Variants in MAPK8IP3 observed in about 807,000 individuals in gnomAD.
MAPK8IP3 encodes C-Jun-amino-terminal kinase-interacting protein 3.
Under a neutral mutation model 157.8 loss-of-function variants are expected in MAPK8IP3, and 49 were observed. The ratio of observed to expected loss-of-function variants is 0.31; its 90% CI spans 0.25 to 0.39. The LOEUF (loss-of-function observed/expected upper bound fraction) is 0.39, where lower values mean the gene tolerates loss of function less well. Ranked by LOEUF, MAPK8IP3 falls within the 10% of genes least tolerant of loss-of-function variation. The pLI is 1.00. For missense variants in MAPK8IP3, 1,478 were observed against 1,889.4 expected, an observed-to-expected ratio of 0.78 and a Z score of 4.04; for synonymous variants, 897 against 777.7, an observed-to-expected ratio of 1.15 and a Z score of -2.55.
chr16:1,763,500 G>C (rs894000264), intron 16 of MAPK8IP3, among the ~76,000 whole-genome samples, 157 bp from the exon 17 acceptor site: 4 of 152,178 alleles, frequency 2.6e-5, no homozygotes, highest in Admixed American at 2.0e-4. Context: ...CCAGTGCCGG[G>C]AAAGCCACCC....
At position 1,729,188 on chromosome 16, in the gene MAPK8IP3, C is replaced by CT; in HGVS notation, c.491dup (p.His165AlafsTer16). 6.2e-7 allele frequency: 1 copy of CT among 1,614,018 alleles called. No individual in the cohort carries two copies. Among genetic ancestry groups the CT allele is most frequent in the Non-Finnish European group, 8.5e-7 (1 of 1,180,028 alleles). ...GGAGATGAAGAAGGAGTACAATGCC[C>CT]TGCACCAGCGGCACACAGAGGTGGG... On this transcript the variant is annotated frameshift_variant, in exon 3 of 32. Coordinates refer to ENST00000610761, the MANE Select transcript of MAPK8IP3 (RefSeq NM_001318852.2). LOFTEE classifies it high-confidence loss of function.
At position 1,745,177 on chromosome 16, in the gene MAPK8IP3, G is replaced by A. The variant is rs140930732; in HGVS notation, c.747+1701G>A. Reference sequence around the variant, plus strand: ...AGGGTGACGGAGAGCTAGGGGAGGCGCAATCAGACTGCAGAATTCCCCGCA... The same window carrying A: ...AGGGTGACGGAGAGCTAGGGGAGGCACAATCAGACTGCAGAATTCCCCGCA... On this transcript the variant is annotated intron_variant, in intron 5 of 31. Coordinates refer to ENST00000610761, the MANE Select transcript of MAPK8IP3 (RefSeq NM_001318852.2). The A allele has an allele frequency of 1.1e-4, 111 of 985,396 alleles. 1 individual carries two copies. In the East Asian group the frequency reaches 0.012, roughly 103 times the overall value. The allele number at this position is 985,396 out of a possible 1,614,324, so 61.0% of individuals were successfully genotyped here.
At chr16:1,729,641 CG>C in intron 4 of MAPK8IP3, 63 bp downstream of exon 4, 1 of 1,442,208 alleles carries the variant, frequency 6.9e-7, no homozygotes, top group Non-Finnish European at 9.5e-7. Flanking sequence ...ACGCAGGACG[CG>C]GCACATGCCA....
chr16:1,767,762 T>TG (rs764643346), intron 27 of MAPK8IP3, 27 bp downstream of exon 27: 18 of 1,611,736 alleles, frequency 1.1e-5, no homozygotes, highest in East Asian at 2.2e-5. Context: ...GATGGGGTGG[T>TG]GGGGTGCTCA....
In MAPK8IP3 at chr16:1,764,389, A is replaced by G. The variant is rs2042134797; in HGVS notation, c.2210A>G (p.Asp737Gly). Residue 737 changes from aspartate to glycine, a missense_variant, in exon 19 of 32, where the codon GAT becomes GGT. Transcript: ENST00000610761. The stretch of plus-strand genomic sequence containing the variant: ...GGAGTCAAGCCAGCGCCAGGCCGCG[A>G]TCCCCTGACCTGCGACCGCGAAGGA... ...GNGVKPAPGR[D>G]PLTCDREGDG... is the part of the protein sequence containing the mutation. The G allele has an allele frequency of 6.3e-7, 1 of 1,598,256 alleles. No homozygotes were observed. Among genetic ancestry groups the G allele is most frequent in the Admixed American group, 1.7e-5 (1 of 57,756 alleles).
intron 8 of MAPK8IP3, chr16:1,752,336 T>C: frequency 4.5e-6 from 1 of 223,298 alleles, no homozygotes; most frequent in South Asian, 4.0e-5. Flanking sequence ...CACCCTACTC[T>C]GCAGGGTGCT....
intron 17 of MAPK8IP3, 95 bp from the exon 18 acceptor site, chr16:1,764,020 G>T: frequency 7.8e-7 from 1 of 1,288,176 alleles, no homozygotes; most frequent in South Asian, 1.4e-5. Context: ...AAGTGGCTGT[G>T]CCGCCAGAAG....
rs191423315 is a variant in MAPK8IP3 at position 1,768,028 on chromosome 16, G to A, written c.3524-41G>A. ...GAGGGTGCCTTGCTGCCCCTACGCTGACCGCTCTCCTCTTCTCCCATGCTC... is the reference window on the plus strand; with the variant it reads ...GAGGGTGCCTTGCTGCCCCTACGCTAACCGCTCTCCTCTTCTCCCATGCTC... On this transcript the variant is annotated intron_variant, in intron 28 of 31. Coordinates refer to ENST00000610761, the MANE Select transcript of MAPK8IP3 (RefSeq NM_001318852.2). The A allele has an allele frequency of 1.7e-4, 273 of 1,611,970 alleles. No homozygotes were observed. The African/African-American group carries it at 3.2e-3, about 19-fold the overall frequency.
At chr16:1,757,307 C>T (rs1283952517) in intron 8 of MAPK8IP3, among the ~76,000 whole-genome samples, 1 of 152,082 alleles carries the variant, frequency 6.6e-6, no homozygotes, top group South Asian at 2.1e-4. Flanking sequence ...GGTTTCACCG[C>T]ATTAGCCAGG....
At position 1,764,096 on chromosome 16, in the gene MAPK8IP3, GC is replaced by G; in HGVS notation, c.2026-17del. 6.3e-7 allele frequency: 1 copy of G among 1,582,388 alleles called. No homozygotes were observed. Among genetic ancestry groups the G allele is most frequent in the African/African-American group, 1.3e-5 (1 of 74,296 alleles). On this transcript the variant is annotated intron_variant, in intron 17 of 31. Coordinates refer to ENST00000610761, the MANE Select transcript of MAPK8IP3 (RefSeq NM_001318852.2). The stretch of plus-strand genomic sequence containing the variant: ...AGGAGCCAGGGTTCGTGCCCACGGC[GC>G]CTCCCTGCTCCCTGCAGCTGAGTCC...
At chr16:1,736,516 G>A (rs547332226) in intron 4 of MAPK8IP3, among the ~76,000 whole-genome samples, 1 of 57,704 alleles carries the variant, frequency 1.7e-5, no homozygotes, top group Non-Finnish European at 3.1e-5. Flanking sequence ...GTGACCGTCC[G>A]TGTGTGACCG....
chr16:1,720,305 G>T (rs2038432224), intron 1 of MAPK8IP3, among the ~76,000 whole-genome samples: 1 of 152,156 alleles, frequency 6.6e-6, no homozygotes, highest in Non-Finnish European at 1.5e-5. Flanking sequence ...CAAAGTGCTG[G>T]GATTACAGGC....
rs370332376 is a variant in MAPK8IP3, at chr16:1,761,212, C to T, written c.1458-12C>T. ...GGCCCTCACCCTCCCTGCCTCCTTC[C>T]CCTTCCCACAGAGTGAAGTCCGAGG... On this transcript the variant is annotated splice_polypyrimidine_tract_variant and intron_variant, in intron 12 of 31. Coordinates refer to ENST00000610761, the MANE Select transcript of MAPK8IP3 (RefSeq NM_001318852.2). 6 of 1,612,258 alleles carry T rather than the reference C, an allele frequency of 3.7e-6. No homozygotes were observed. The highest frequency in any genetic ancestry group is 1.7e-5 in the Admixed American group (1 of 60,010).
chr16:1,760,301 T>C (rs2041860873), intron 11 of MAPK8IP3, 79 bp from the exon 12 acceptor site: 1 of 1,525,878 alleles, frequency 6.6e-7, no homozygotes, highest in Non-Finnish European at 8.9e-7. Context: ...AGGGCGGAAG[T>C]GCAGGCGCCC....
intron 4 of MAPK8IP3, among the ~76,000 whole-genome samples, chr16:1,736,648 G>A (rs531289355): frequency 4.3e-5 from 3 of 69,970 alleles, no homozygotes; most frequent in Non-Finnish European, 5.5e-5. Flanking sequence ...GCGTGTGACC[G>A]TCCGTGTGAG....
chr16:1,712,113 G>A (rs1157466562), intron 1 of MAPK8IP3, among the ~76,000 whole-genome samples: 1 of 129,810 alleles, frequency 7.7e-6, no homozygotes, highest in Admixed American at 8.7e-5. Flanking sequence ...CCATGCTGGA[G>A]TACAGTGGCG....
rs1241310470 is a variant in MAPK8IP3, at chr16:1,768,563, G to A, written c.3829G>A (p.Gly1277Ser). Residue 1277 changes from glycine (G) to serine (S), a missense_variant, in exon 31 of 32, where the codon GGC becomes AGC. This residue lies in a region of MAPK8IP3 where 133 missense variants were observed against 133.4 expected (regional missense o/e 1.00). Transcript: ENST00000610761. ...GPAAPASEVE[G>S]QKLRNVLVLS... ...AGCTGCCCCTGCCTCGGAGGTCGAG[G>A]GCCAGAAGCTGCGGAACGTGCTGGT... 3.2e-6 allele frequency: 5 copies of A among 1,578,794 alleles called. No homozygotes were observed. In the Admixed American group the frequency reaches 5.6e-5, roughly 18 times the overall value.
chr16:1,735,642 TGA>T (rs770215669), intron 4 of MAPK8IP3, among the ~76,000 whole-genome samples: 2 of 140,896 alleles, frequency 1.4e-5, no homozygotes, highest in Non-Finnish European at 3.0e-5. Flanking sequence ...ACTGTCCATG[TGA>T]GTGTGACCAT....
At chr16:1,718,693 C>T (rs1159019083) in intron 1 of MAPK8IP3, among the ~76,000 whole-genome samples, 2 of 151,054 alleles carry the variant, frequency 1.3e-5, no homozygotes, top group South Asian at 2.1e-4. Context: ...AGTCAGAGGC[C>T]GAGGCAGGAG....
Sources: allele counts gnomAD v4.1 joint callset (sites outside exome capture counted in the v4.1 genomes callset), GRCh38; gene constraint gnomAD v4.1.1; regional missense constraint gnomAD v4.1.1; transcripts MANE v1.5; gene names NCBI Gene and HGNC (gene_info 2026-07-23, HGNC 2026-07-21).